The following SEMA6D variants were observed in gnomAD, a reference collection of about 807,000 sequenced individuals.
SEMA6D encodes the protein semaphorin 6D.
Under a neutral mutation model 106.6 loss-of-function variants are expected in SEMA6D, and 35 were observed. The ratio of observed to expected loss-of-function variants is 0.33; its 90% confidence interval spans 0.25 to 0.44. The LOEUF (loss-of-function observed/expected upper bound fraction) is 0.44, where lower values mean the gene tolerates loss of function less well. SEMA6D is among the 20% of genes least tolerant of loss of function. The probability of loss-of-function intolerance (pLI) is 1.00; values close to 1 mark genes in which losing one functional copy is unlikely to be tolerated. For synonymous variants in SEMA6D, 499 were observed against 487.7 expected, an observed-to-expected ratio of 1.02 and a Z score of -0.31; for missense variants, 1,185 against 1,345.9, an observed-to-expected ratio of 0.88 and a Z score of 1.87.
intron 4 of SEMA6D, among the ~76,000 whole-genome samples, chr15:47,627,847 C>T (rs2077229425): frequency 1.3e-5 from 2 of 152,066 alleles, no homozygotes; most frequent in South Asian, 2.1e-4. Context: ...TCCAACCCTC[C>T]CTCCCTGACC....
intron 4 of SEMA6D, among the ~76,000 whole-genome samples, chr15:47,671,116 C>G (rs574571913): frequency 6.6e-6 from 1 of 152,230 alleles, no homozygotes; most frequent in East Asian, 1.9e-4. Flanking sequence ...AATCTCATTA[C>G]ACATAGCACA....
chr15:47,589,901 A>C (rs1486464928), intron 3 of SEMA6D, among the ~76,000 whole-genome samples: 1 of 152,190 alleles, frequency 6.6e-6, no homozygotes, highest in Admixed American at 6.5e-5. Context: ...AGTGGCTTAA[A>C]ACCTCCATTT....
At chr15:47,421,036 G>C (rs1322878046) in intron 2 of SEMA6D, among the ~76,000 whole-genome samples, 1 of 152,108 alleles carries the variant, frequency 6.6e-6, no homozygotes, top group Admixed American at 6.6e-5. Context: ...AGTCTAATAT[G>C]TTTGGACTTT....
chr15:47,471,974 C>CACACACACAT (rs71432244), intron 3 of SEMA6D, among the ~76,000 whole-genome samples: 1 of 140,600 alleles, frequency 7.1e-6, no homozygotes, highest in Non-Finnish European at 1.5e-5. Flanking sequence ...CACACACACA[C>CACACACACAT]GAAAAAGAGA....
chr15:47,264,602 CTTG>C (rs1285247342), intron 1 of SEMA6D, among the ~76,000 whole-genome samples: 2 of 151,972 alleles, frequency 1.3e-5, no homozygotes, highest in Admixed American at 6.6e-5. Context: ...CATAACCATT[CTTG>C]TTGTGTTTCC....
At chr15:47,611,148 T>TACACAC (rs71432248) in intron 4 of SEMA6D, among the ~76,000 whole-genome samples, 2,690 of 141,636 alleles carry the variant, frequency 0.019, 75 homozygotes, top group African/African-American at 0.063. Context: ...CCGTCCTACA[T>TACACAC]ACACACACAC....
intron 4 of SEMA6D, among the ~76,000 whole-genome samples, chr15:47,692,690 C>A (rs568350248): frequency 2.0e-5 from 3 of 152,164 alleles, no homozygotes; most frequent in Admixed American, 2.0e-4. Context: ...GGTCTGTTTG[C>A]AGACATGGCT....
At position 47,290,602 on chromosome 15, in the gene SEMA6D, TAAC is replaced by T. The variant is rs559628683; in HGVS notation, c.-239+106186_-239+106188del. ...ATTTATATTAATTACTACAAATATA[TAAC>T]ATCAATTTAATTATATATATATATA... On this transcript the variant is annotated intron_variant, in intron 1 of 19. Transcript: ENST00000558014. 2.0e-3 allele frequency among the ~76,000 whole-genome samples: 289 copies of T among 144,060 alleles called. 2 individuals carry two copies. Among genetic ancestry groups the T allele is most frequent in the African/African-American group, 6.7e-3 (261 of 39,004 alleles). The allele number at this position is 144,060 out of a possible 152,430, so 94.5% of individuals were successfully genotyped here. A position where few individuals can be genotyped will look rare whatever the true frequency, so the allele number is the denominator to read the frequency against.
At chr15:47,668,665 C>G (rs912088374) in intron 4 of SEMA6D, among the ~76,000 whole-genome samples, 14 of 152,180 alleles carry the variant, frequency 9.2e-5, no homozygotes, top group African/African-American at 3.4e-4. Flanking sequence ...AGTTCCCTGA[C>G]CTAGCGAATG....
chr15:47,187,848 T>C (rs1402430549), intron 1 of SEMA6D, among the ~76,000 whole-genome samples: 1 of 152,142 alleles, frequency 6.6e-6, no homozygotes, highest in Non-Finnish European at 1.5e-5. Context: ...ACAACTTTTA[T>C]TAAACCTGGA....
chr15:47,538,695 T>C (rs1005459981), intron 3 of SEMA6D, among the ~76,000 whole-genome samples: 2 of 152,218 alleles, frequency 1.3e-5, no homozygotes, highest in African/African-American at 2.4e-5. Flanking sequence ...AGGCAAACTT[T>C]AATGTTCTAA....
At chr15:47,421,625 G>A (rs918598000) in intron 2 of SEMA6D, among the ~76,000 whole-genome samples, 4 of 151,912 alleles carry the variant, frequency 2.6e-5, no homozygotes, top group Non-Finnish European at 5.9e-5. Context: ...CTTTCCACTT[G>A]ACTGATGAGT....
chr15:47,552,826 ATTTT>A (rs71118185), intron 3 of SEMA6D, among the ~76,000 whole-genome samples: 3 of 51,574 alleles, frequency 5.8e-5, no homozygotes, highest in African/African-American at 3.7e-4. Context: ...AAATATATAT[ATTTT>A]TATATATATA....
At chr15:47,518,207 A>G (rs778525560) in intron 3 of SEMA6D, among the ~76,000 whole-genome samples, 1 of 152,206 alleles carries the variant, frequency 6.6e-6, no homozygotes, top group Non-Finnish European at 1.5e-5. Flanking sequence ...TTTAATAATG[A>G]GGAAAAAACA....
At chr15:47,411,409 C>T (rs1164343893) in intron 1 of SEMA6D, among the ~76,000 whole-genome samples, 1 of 152,016 alleles carries the variant, frequency 6.6e-6, no homozygotes, top group Non-Finnish European at 1.5e-5. Context: ...GCATGCCTGC[C>T]ATTGAAGAAC....
intron 3 of SEMA6D, among the ~76,000 whole-genome samples, chr15:47,583,197 G>A (rs771844502): frequency 5.3e-5 from 8 of 152,158 alleles, no homozygotes; most frequent in Non-Finnish European, 1.2e-4. Flanking sequence ...TGCTAAACAC[G>A]TGAGTTCCAT....
At chr15:47,370,559 T>TA (rs1448226078) in intron 1 of SEMA6D, among the ~76,000 whole-genome samples, 10 of 150,172 alleles carry the variant, frequency 6.7e-5, no homozygotes, top group African/African-American at 2.5e-4. Flanking sequence ...AAGAAGATAT[T>TA]ATGGGCTGGG....
chr15:47,209,054 A>C (rs1379257020), intron 1 of SEMA6D, among the ~76,000 whole-genome samples: 1 of 152,218 alleles, frequency 6.6e-6, no homozygotes, highest in East Asian at 1.9e-4. Flanking sequence ...TGTTTTCTGC[A>C]ATAGCTAGAC....
intron 2 of SEMA6D, among the ~76,000 whole-genome samples, chr15:47,415,834 G>A (rs554605180): frequency 6.6e-6 from 1 of 152,214 alleles, no homozygotes; most frequent in South Asian, 2.1e-4. Flanking sequence ...TAAGAATAAA[G>A]CCAAGTTGTT....
Sources: gnomAD v4.1 joint callset for allele counts (sites outside exome capture counted in the v4.1 genomes callset) on GRCh38, gnomAD v4.1.1 for gene constraint, MANE v1.5 for transcripts, NCBI Gene and HGNC (gene_info 2026-07-23, HGNC 2026-07-21) for gene names.